Variants in SND1 observed in about 807,000 individuals in gnomAD.
SND1 encodes the protein staphylococcal nuclease and tudor domain containing 1.
Under a neutral mutation model 121.7 loss-of-function variants are expected in SND1, and 38 were observed. The ratio of observed to expected loss-of-function variants is 0.31; its 90% CI spans 0.24 to 0.41. The LOEUF is 0.41. Among genes scored for constraint, SND1 ranks in the 10% least tolerant of loss-of-function variants. SND1 has a pLI of 1.00. For missense variants in SND1, 868 were observed against 1,184.6 expected (o/e 0.73, Z 3.92); for synonymous variants, 401 against 447.4 (o/e 0.90, Z 1.31).
At chr7:127,725,288 A>T (rs1796562907) in intron 10 of SND1, among the ~76,000 whole-genome samples, 1 of 152,228 alleles carries the variant, frequency 6.6e-6, no homozygotes, top group Non-Finnish European at 1.5e-5. Flanking sequence ...TGTTGGGGCC[A>T]GGACCTCTGT....
chr7:127,811,727 C>G (rs1048658993), intron 11 of SND1, among the ~76,000 whole-genome samples: 2 of 152,128 alleles, frequency 1.3e-5, no homozygotes, highest in African/African-American at 4.8e-5. Context: ...GGTAAATGTG[C>G]TTCTGTGAGC....
chr7:127,815,654 T>TTGCC (rs1464481719), intron 11 of SND1, among the ~76,000 whole-genome samples: 2 of 152,080 alleles, frequency 1.3e-5, no homozygotes, highest in Non-Finnish European at 2.9e-5. Flanking sequence ...ATGCACCAGC[T>TTGCC]AGGAAGAGGC....
intron 11 of SND1, among the ~76,000 whole-genome samples, chr7:127,826,324 C>T (rs1032846659): frequency 6.6e-6 from 1 of 151,710 alleles, no homozygotes; most frequent in African/African-American, 2.4e-5. Context: ...GGTGTATGTT[C>T]ATCTTATTTT....
At chr7:127,912,629 G>T (rs1386728577) in intron 14 of SND1, among the ~76,000 whole-genome samples, 1 of 151,952 alleles carries the variant, frequency 6.6e-6, no homozygotes, top group African/African-American at 2.4e-5. Flanking sequence ...AGCCTTTCTG[G>T]TTCCCTCATT....
chr7:127,949,701 G>C (rs1801418261), intron 15 of SND1, among the ~76,000 whole-genome samples: 1 of 152,080 alleles, frequency 6.6e-6, no homozygotes, highest in African/African-American at 2.4e-5. Context: ...TCCAATCCAT[G>C]GTCCTTTGCC....
chr7:128,031,613 C>T (rs1425125665), intron 16 of SND1: 1 of 148,970 alleles, frequency 6.7e-6, no homozygotes, highest in Non-Finnish European at 1.5e-5. Flanking sequence ...GTCCGGCCCC[C>T]GAGGACCAGC....
intron 16 of SND1, among the ~76,000 whole-genome samples, chr7:128,001,434 C>T (rs1362371430): frequency 6.6e-6 from 1 of 152,196 alleles, no homozygotes; most frequent in Non-Finnish European, 1.5e-5. Context: ...AATCTCAGTG[C>T]CTATTAGAAT....
At chr7:127,798,527 A>G (rs763258283) in intron 10 of SND1, among the ~76,000 whole-genome samples, 1 of 152,118 alleles carries the variant, frequency 6.6e-6, no homozygotes, top group Non-Finnish European at 1.5e-5. Flanking sequence ...TCTTATTTGT[A>G]TAGAAGTTGG....
chr7:128,074,449 C>G, intron 16 of SND1, 53 bp from the exon 17 acceptor site: 1 of 1,549,970 alleles, frequency 6.5e-7, no homozygotes, highest in Non-Finnish European at 8.8e-7. Context: ...GGGCACAGCC[C>G]CTGCACACTC....
intron 16 of SND1, chr7:128,027,140 G>A (rs1554458737): frequency 6.6e-6 from 1 of 152,500 alleles, no homozygotes; most frequent in Non-Finnish European, 1.5e-5. Context: ...GTGTTCTTTT[G>A]TTGGCAATTC....
At chr7:128,028,731 G>C in intron 16 of SND1, 3 of 1,614,044 alleles carry the variant, frequency 1.9e-6, no homozygotes, top group Non-Finnish European at 2.5e-6. Flanking sequence ...AATTATATAA[G>C]GTTCAGAGAT....
At chr7:127,856,549 G>T (rs1665274791) in intron 12 of SND1, among the ~76,000 whole-genome samples, 1 of 152,214 alleles carries the variant, frequency 6.6e-6, no homozygotes, top group Non-Finnish European at 1.5e-5. Flanking sequence ...AGTATGTATG[G>T]TAGGATTGGG....
At chr7:127,926,138 G>A (rs1462023491) in intron 14 of SND1, among the ~76,000 whole-genome samples, 3 of 152,072 alleles carry the variant, frequency 2.0e-5, no homozygotes, top group South Asian at 2.1e-4. Context: ...CTGAGGAAAC[G>A]TGCCAGTCTT....
intron 9 of SND1, among the ~76,000 whole-genome samples, chr7:127,712,156 C>T (rs1474181321): frequency 6.6e-6 from 1 of 151,914 alleles, no homozygotes; most frequent in Non-Finnish European, 1.5e-5. Context: ...TTAGGGTATA[C>T]ATATTTGCTT....
chr7:128,054,947 G>A (rs868121441), intron 16 of SND1, among the ~76,000 whole-genome samples: 4 of 152,208 alleles, frequency 2.6e-5, no homozygotes, highest in South Asian at 4.1e-4. Flanking sequence ...CTTTCTTAAC[G>A]ATTTAGTTTA....
At chr7:127,788,944 A>G (rs6966554) in intron 10 of SND1, among the ~76,000 whole-genome samples, 2,598 of 152,238 alleles carry the variant, frequency 0.017, 91 homozygotes, top group African/African-American at 0.059. Flanking sequence ...CTCTGTTCTT[A>G]TAGTACCTTG....
At chr7:128,050,731 G>A (rs1793030954) in intron 16 of SND1, among the ~76,000 whole-genome samples, 1 of 152,114 alleles carries the variant, frequency 6.6e-6, no homozygotes, top group Non-Finnish European at 1.5e-5. Context: ...TCTGTTCTCT[G>A]CATTCCCACA....
At chr7:127,986,486 G>A (rs191998673) in intron 15 of SND1, among the ~76,000 whole-genome samples, 1 of 152,292 alleles carries the variant, frequency 6.6e-6, no homozygotes, top group East Asian at 1.9e-4. Flanking sequence ...TCTATCAGTG[G>A]CAGAGCAGAA....
chr7:127,880,358 T>C (rs1373255203), intron 12 of SND1, among the ~76,000 whole-genome samples: 3 of 152,188 alleles, frequency 2.0e-5, no homozygotes, highest in African/African-American at 7.2e-5. Flanking sequence ...AGTTCAGTAC[T>C]ATGTGCAATT....
Sources: allele counts gnomAD v4.1 joint callset (sites outside exome capture counted in the v4.1 genomes callset), GRCh38; gene constraint gnomAD v4.1.1; transcripts MANE v1.5; gene names NCBI Gene and HGNC (gene_info 2026-07-23, HGNC 2026-07-21).